The following CYP27A1 variants were observed in gnomAD, a reference collection of about 807,000 sequenced individuals.
CYP27A1 encodes sterol 26-hydroxylase, mitochondrial.
Under a neutral mutation model 58.2 loss-of-function variants are expected in CYP27A1, and 46 were observed. The ratio of observed to expected loss-of-function variants is 0.79; its 90% confidence interval spans 0.62 to 1.01. The LOEUF is 1.01. Ranked by LOEUF, CYP27A1 falls within the 50% of genes least tolerant of loss-of-function variation. CYP27A1 has a pLI of 0.00. For synonymous variants in CYP27A1, 274 were observed against 285.1 expected (o/e 0.96, Z 0.39); for missense variants, 704 against 687.0 (o/e 1.02, Z -0.28).
At chr2:218,790,305 A>G (rs1319185249) in intron 1 of CYP27A1, among the ~76,000 whole-genome samples, 2 of 152,228 alleles carry the variant, frequency 1.3e-5, no homozygotes, top group Non-Finnish European at 2.9e-5. Flanking sequence ...GCTGCATGCA[A>G]ACATTTAAAA....
chr2:218,812,859 G>C (rs1171714442), intron 4 of CYP27A1, 65 bp from the exon 5 acceptor site: 43 of 1,610,034 alleles, frequency 2.7e-5, no homozygotes, highest in Non-Finnish European at 3.4e-5. Context: ...TGTCGGAGTG[G>C]CTCTTGGTCC....
chr2:218,809,348 C>T (rs929673007), intron 1 of CYP27A1, among the ~76,000 whole-genome samples: 1 of 151,908 alleles, frequency 6.6e-6, no homozygotes, highest in Non-Finnish European at 1.5e-5. Flanking sequence ...ACACGCATTG[C>T]TCTAATATTC....
chr2:218,784,328 C>T (rs368811070), intron 1 of CYP27A1, among the ~76,000 whole-genome samples: 1 of 152,342 alleles, frequency 6.6e-6, no homozygotes, highest in East Asian at 1.9e-4. Flanking sequence ...GTGATTATGG[C>T]ACTCAAGTCA....
rs141019050 is a variant in CYP27A1 at position 218,810,902 on chromosome 2, C to A, written c.446+1135C>A. The stretch of plus-strand genomic sequence containing the variant: ...GTGGCTCACGCCTGTAATCCCAGCA[C>A]TTTGGGAGGCCAAGGTGGGCGGATC... On this transcript the variant is annotated intron_variant, in intron 2 of 8. Coordinates refer to ENST00000258415, the MANE Select transcript of CYP27A1 (RefSeq NM_000784.4). Among the ~76,000 whole-genome samples, 204 of 152,220 alleles carry A rather than the reference C, an allele frequency of 1.3e-3. 2 individuals carry two copies. The highest frequency in any genetic ancestry group is 4.6e-3 in the African/African-American group (191 of 41,516).
intron 3 of CYP27A1, 30 bp downstream of exon 3, chr2:218,812,451 G>A (rs1242111353): frequency 6.2e-7 from 1 of 1,613,454 alleles, no homozygotes; most frequent in Non-Finnish European, 8.5e-7. Context: ...GGCTGGGGAA[G>A]GGAATGGGTC....
intron 1 of CYP27A1, among the ~76,000 whole-genome samples, chr2:218,809,182 A>G (rs1425449376): frequency 6.6e-6 from 1 of 151,690 alleles, no homozygotes; most frequent in African/African-American, 2.4e-5. Flanking sequence ...ATACAAAAAA[A>G]GGAGCTATAG....
chr2:218,788,040 T>C (rs1943456060), intron 1 of CYP27A1, among the ~76,000 whole-genome samples: 1 of 152,250 alleles, frequency 6.6e-6, no homozygotes, highest in Non-Finnish European at 1.5e-5. Context: ...TGTAAATGAC[T>C]TATCTCTGCT....
At chr2:218,809,272 T>C (rs1329363319) in intron 1 of CYP27A1, among the ~76,000 whole-genome samples, 1 of 152,126 alleles carries the variant, frequency 6.6e-6, no homozygotes. Context: ...TACCTCAGTT[T>C]GCCATATAGC....
intron 1 of CYP27A1, among the ~76,000 whole-genome samples, chr2:218,805,022 G>T (rs1429379937): frequency 2.0e-5 from 3 of 152,146 alleles, no homozygotes; most frequent in Non-Finnish European, 4.4e-5. Context: ...AATTCTATCA[G>T]ATCAGGGCCC....
chr2:218,812,932 CTGAT>C lies in CYP27A1; in HGVS notation c.858_861del (p.Ile286MetfsTer58). The C allele has an allele frequency of 6.2e-7, 1 of 1,614,206 alleles. No homozygotes were observed. Among genetic ancestry groups the C allele is most frequent in the Non-Finnish European group, 8.5e-7 (1 of 1,180,036 alleles). On this transcript the variant is annotated frameshift_variant, in exon 5 of 9. Coordinates refer to ENST00000258415, the MANE Select transcript of CYP27A1 (RefSeq NM_000784.4). LOFTEE classifies it high-confidence loss of function. ...CTCTGTTGCTTTCACAGGGAAGAAG[CTGAT>C]TGATGAGAAGCTCGAAGATATGGAG...
At chr2:218,814,516 C>A in intron 7 of CYP27A1, 29 bp from the exon 8 acceptor site, 1 of 1,613,282 alleles carries the variant, frequency 6.2e-7, no homozygotes, top group South Asian at 1.1e-5. Context: ...CGAAGAGAGG[C>A]ATTCATGCTG....
chr2:218,809,993 A>T (rs1943695698), intron 2 of CYP27A1, among the ~76,000 whole-genome samples: 1 of 152,210 alleles, frequency 6.6e-6, no homozygotes, highest in Non-Finnish European at 1.5e-5. Flanking sequence ...GGTTTTCACC[A>T]TTTAAAATTA....
intron 1 of CYP27A1, among the ~76,000 whole-genome samples, chr2:218,803,764 A>G (rs563734281): frequency 1.4e-3 from 101 of 70,188 alleles, no homozygotes; most frequent in Admixed American, 0.012. Context: ...TGGGAGTTTT[A>G]CTCTGTTGCT....
chr2:218,808,515 G>A (rs540140097), intron 1 of CYP27A1, among the ~76,000 whole-genome samples: 1 of 152,320 alleles, frequency 6.6e-6, no homozygotes, highest in Admixed American at 6.5e-5. Flanking sequence ...TCTGGACTAT[G>A]GGTTGGGTGA....
chr2:218,809,697 G>C lies in CYP27A1; in HGVS notation c.376G>C (p.Val126Leu), dbSNP rs773892447. The change falls in exon 2 of 9, where the codon GTA becomes CTA. Residue 126 changes from valine (V) to leucine (L), a missense_variant. Transcript: ENST00000258415. ...GATGCGGCAAGAGGGCAAGTACCCA[G>C]TACGGAACGACATGGAGCTATGGAA... ...QVMRQEGKYPVRNDMELWKEH... is the reference protein window; with the variant it reads ...QVMRQEGKYPLRNDMELWKEH... The C allele has an allele frequency of 4.7e-5, 76 of 1,614,068 alleles. No homozygotes were observed. Among genetic ancestry groups the C allele is most frequent in the Non-Finnish European group, 6.2e-5 (73 of 1,180,040 alleles).
intron 1 of CYP27A1, among the ~76,000 whole-genome samples, chr2:218,799,125 A>C (rs1000510264): frequency 3.9e-5 from 6 of 152,166 alleles, no homozygotes; most frequent in Non-Finnish European, 7.3e-5. Context: ...TATACTTGCC[A>C]ACTGTTAGGG....
At chr2:218,800,263 G>T (rs2105975257) in intron 1 of CYP27A1, among the ~76,000 whole-genome samples, 1 of 152,110 alleles carries the variant, frequency 6.6e-6, no homozygotes, top group South Asian at 2.1e-4. Context: ...GGATCACAGG[G>T]CAATCAGTCT....
In CYP27A1 at chr2:218,814,154, C is replaced by T. The variant is rs41272687; in HGVS notation, c.1151C>T (p.Pro384Leu). Reference protein sequence around the residue: ...VPQHKDFAHMPLLKAVLKETL... With the variant: ...VPQHKDFAHMLLLKAVLKETL... ...CAGCACAAGGACTTTGCCCACATGC[C>T]GTTGCTCAAAGCTGTGCTTAAGGAG... is the stretch of plus-strand genomic sequence containing the variant. The change falls in exon 6 of 9, where the codon CCG becomes CTG. Residue 384 changes from proline (P) to leucine (L), a missense_variant. By Grantham distance (98) the Pro-to-Leu change is moderately conservative. Transcript: ENST00000258415. The T allele has an allele frequency of 0.02, 32,985 of 1,614,226 alleles. 436 individuals are homozygous for T. The highest frequency in any genetic ancestry group is 0.032 in the South Asian group (2,917 of 91,088).
chr2:218,782,603 G>T lies in CYP27A1; in HGVS notation c.255+166G>T, dbSNP rs1943403302. Among the ~76,000 whole-genome samples, 1 of 152,152 alleles carries T rather than the reference G, an allele frequency of 6.6e-6. No homozygotes were observed. The highest frequency in any genetic ancestry group is 2.1e-4 in the South Asian group (1 of 4,826). ...AATCAGTAGGGAGAATGGGCAAAGT[G>T]CAGACAGAGCCCTTTGAGCTGAGAT... On this transcript the variant is annotated intron_variant, in intron 1 of 8. Coordinates refer to ENST00000258415, the MANE Select transcript of CYP27A1 (RefSeq NM_000784.4). The surrounding 1 kb of genome is among the most constrained non-coding windows in gnomAD (Gnocchi z 4.1).
Sources: allele counts gnomAD v4.1 joint callset (sites outside exome capture counted in the v4.1 genomes callset), GRCh38; gene constraint gnomAD v4.1.1; non-coding constraint Gnocchi (gnomAD v3.1); transcripts MANE v1.5; gene names NCBI Gene and HGNC (gene_info 2026-07-23, HGNC 2026-07-21).